PNLIP: variants seen among roughly 807,000 people sequenced by gnomAD.
PNLIP encodes the protein pancreatic lipase, also known as pancreatic triacylglycerol lipase.
PNLIP carries 49 observed loss-of-function variants against 57.1 expected under a neutral mutation model. The ratio of observed to expected loss-of-function variants is 0.86; its 90% CI spans 0.68 to 1.09. The LOEUF (loss-of-function observed/expected upper bound fraction) is 1.09, where lower values mean the gene tolerates loss of function less well. PNLIP is among the 50% of genes least tolerant of loss of function. The probability of loss-of-function intolerance (pLI) is 0.00; values close to 1 mark genes in which losing one functional copy is unlikely to be tolerated. For synonymous variants in PNLIP, 209 were observed against 200.4 expected, an observed-to-expected ratio of 1.04 and a Z score of -0.36; for missense variants, 503 against 570.2, an observed-to-expected ratio of 0.88 and a Z score of 1.20.
intron 9 of PNLIP, 69 bp from the exon 10 acceptor site, chr10:116,559,085 C>T: frequency 6.4e-7 from 1 of 1,552,178 alleles, no homozygotes; most frequent in Non-Finnish European, 8.7e-7. Flanking sequence ...ATGGCGACAA[C>T]ATGTAGGAAA....
intron 5 of PNLIP, among the ~76,000 whole-genome samples, chr10:116,551,561 A>G (rs1156782283): frequency 6.6e-6 from 1 of 152,190 alleles, no homozygotes; most frequent in Non-Finnish European, 1.5e-5. Context: ...ATTTGATTTT[A>G]GTTTTGCTTT....
intron 4 of PNLIP, among the ~76,000 whole-genome samples, chr10:116,550,519 A>G (rs1304768754): frequency 2.0e-5 from 3 of 152,218 alleles, no homozygotes; most frequent in Non-Finnish European, 4.4e-5. Context: ...TGAAATATTA[A>G]TAACTCTTTA....
rs78912918 is a variant in PNLIP, at chr10:116,555,494, C to T, written c.798C>T (p.Asp266=). Residue 266 remains aspartate (D), a synonymous_variant, in exon 8 of 13, where the codon GAC becomes GAT. Transcript: ENST00000369221. The part of the protein sequence containing the change: ...KNILSQIVDI[D]GIWEGTRDFA... The stretch of plus-strand genomic sequence containing the variant: ...TTCTCTCTCAGATTGTGGACATAGA[C>T]GGAATCTGGGAAGGTAGAACTATTA... 2.4e-3 allele frequency: 3,866 copies of T among 1,613,890 alleles called. 80 individuals carry two copies. In the African/African-American group the frequency reaches 0.041, roughly 17 times the overall value.
intron 6 of PNLIP, among the ~76,000 whole-genome samples, chr10:116,554,361 T>C (rs1847229348): frequency 6.6e-6 from 1 of 152,230 alleles, no homozygotes; most frequent in South Asian, 2.1e-4. Context: ...CAATTGCTAA[T>C]GTGCTTAAGC....
intron 9 of PNLIP, among the ~76,000 whole-genome samples, chr10:116,558,194 T>C (rs1343797542): frequency 7.8e-6 from 1 of 127,920 alleles, no homozygotes; most frequent in Non-Finnish European, 1.6e-5. Context: ...ATGCAATCTT[T>C]CTTTCTTTTT....
intron 6 of PNLIP, 94 bp downstream of exon 6, chr10:116,553,932 C>A: frequency 3.6e-6 from 2 of 563,156 alleles, no homozygotes; most frequent in East Asian, 3.2e-5. Context: ...CATAGCGAGA[C>A]TCCTATCTCC....
intron 12 of PNLIP, among the ~76,000 whole-genome samples, chr10:116,562,620 C>T (rs1001277563): frequency 1.3e-5 from 2 of 152,036 alleles, no homozygotes; most frequent in African/African-American, 4.8e-5. Flanking sequence ...AGGGAGAATC[C>T]CAGAGATTAT....
intron 9 of PNLIP, among the ~76,000 whole-genome samples, chr10:116,558,364 T>G (rs959595618): frequency 2.6e-5 from 4 of 150,980 alleles, no homozygotes; most frequent in Admixed American, 2.6e-4. Flanking sequence ...CCGGCTAATT[T>G]TTTGTATTTT....
intron 7 of PNLIP, 29 bp downstream of exon 7, chr10:116,555,326 G>T (rs1186000716): frequency 6.2e-7 from 1 of 1,614,114 alleles, no homozygotes; most frequent in African/African-American, 1.3e-5. Context: ...CCCCCAAAGG[G>T]TGTTATAGTG....
chr10:116,556,091 C>A lies in PNLIP; in HGVS notation c.903C>A (p.Pro301=), dbSNP rs760058860. The A allele has an allele frequency of 6.2e-7, 1 of 1,612,158 alleles. No homozygotes were observed. Among genetic ancestry groups the A allele is most frequent in the East Asian group, 2.2e-5 (1 of 44,858 alleles). The change falls in exon 9 of 13, where the codon CCC becomes CCA. Residue 301 remains proline (P), a synonymous_variant. Coordinates refer to ENST00000369221, the MANE Select transcript of PNLIP (RefSeq NM_000936.4). ...ACCCTGATGGCTTTGCTGGATTCCC[C>A]TGTGCCTCTTACAACGTCTTCACTG... The part of the protein sequence containing the change: ...IVNPDGFAGF[P]CASYNVFTAN...
chr10:116,554,334 A>G (rs531178989), intron 6 of PNLIP, among the ~76,000 whole-genome samples: 1 of 152,266 alleles, frequency 6.6e-6, no homozygotes, highest in Non-Finnish European at 1.5e-5. Flanking sequence ...ATAACTAATT[A>G]TATTCTGTTT....
chr10:116,553,654 G>T (rs1847218597), intron 5 of PNLIP, 73 bp from the exon 6 acceptor site: 2 of 833,352 alleles, frequency 2.4e-6, no homozygotes, highest in Admixed American at 3.9e-5. Flanking sequence ...TGCATTTCTT[G>T]TAACGTATCC....
chr10:116,563,071 C>T (rs1419766279), intron 12 of PNLIP, among the ~76,000 whole-genome samples: 2 of 152,036 alleles, frequency 1.3e-5, no homozygotes, highest in African/African-American at 4.8e-5. Context: ...GACACCAAAA[C>T]AAAACTGACA....
intron 8 of PNLIP, 152 bp from the exon 9 acceptor site, chr10:116,555,848 A>C: frequency 1.6e-6 from 1 of 632,050 alleles, no homozygotes; most frequent in Non-Finnish European, 2.8e-6. Context: ...TTACATCACA[A>C]ATCATAAATA....
At position 116,567,784 on chromosome 10, in the gene PNLIP, C is replaced by A; in HGVS notation, c.1384C>A (p.Leu462Ile). 1.2e-6 allele frequency: 2 copies of A among 1,613,272 alleles called. No homozygotes were observed. Among genetic ancestry groups the A allele is most frequent in the Non-Finnish European group, 1.7e-6 (2 of 1,179,194 alleles). ...CGTCAGGGAGGAAGTTCTGCTCACCCTCACACCGTGTTAGGAGACTACTGT... is the reference window on the plus strand; with the variant it reads ...CGTCAGGGAGGAAGTTCTGCTCACCATCACACCGTGTTAGGAGACTACTGT... ...ETVREEVLLT[L>I]TPC Residue 462 changes from leucine (L) to isoleucine (I), a missense_variant, in exon 13 of 13, where the codon CTC becomes ATC. Coordinates refer to ENST00000369221, the MANE Select transcript of PNLIP (RefSeq NM_000936.4).
Position 116,547,280 on chromosome 10 carries a change from C to G in PNLIP, c.47-14C>G, listed in dbSNP as rs747329527. On this transcript the variant is annotated splice_polypyrimidine_tract_variant and intron_variant, in intron 2 of 12. Transcript: ENST00000369221. Reference sequence around the variant, plus strand: ...GCATGTTTGTAAAACTAATATCCTTCTGGGGGATTGCAGGAAAAGAAGTTT... The same window carrying G: ...GCATGTTTGTAAAACTAATATCCTTGTGGGGGATTGCAGGAAAAGAAGTTT... 6.2e-7 allele frequency: 1 copy of G among 1,613,004 alleles called. No homozygotes were observed. Among genetic ancestry groups the G allele is most frequent in the African/African-American group, 1.3e-5 (1 of 74,868 alleles).
chr10:116,566,896 A>G lies in PNLIP; in HGVS notation c.1335-839A>G, dbSNP rs530121139. 7.2e-5 allele frequency among the ~76,000 whole-genome samples: 11 copies of G among 152,268 alleles called. No individual in the cohort carries two copies. In the South Asian group the frequency reaches 2.3e-3, roughly 32 times the overall value. On this transcript the variant is annotated intron_variant, in intron 12 of 12. Transcript: ENST00000369221. ...ACTTTTTTTCTGTTCCTGGTAGTTTACATATGGTAAGGTATTTTATTAAAG... is the reference window on the plus strand; with the variant it reads ...ACTTTTTTTCTGTTCCTGGTAGTTTGCATATGGTAAGGTATTTTATTAAAG...
intron 12 of PNLIP, among the ~76,000 whole-genome samples, 199 bp downstream of exon 12, chr10:116,561,835 G>A (rs929214620): frequency 1.3e-5 from 2 of 152,218 alleles, no homozygotes; most frequent in Non-Finnish European, 2.9e-5. Context: ...CATGATAGAT[G>A]TGTGTTAGCT....
chr10:116,565,582 G>C (rs952053214), intron 12 of PNLIP, among the ~76,000 whole-genome samples: 2 of 146,088 alleles, frequency 1.4e-5, no homozygotes, highest in East Asian at 4.3e-4. Context: ...TGCCTCAGCC[G>C]CCTGTGTAGC....
Sources: gnomAD v4.1 joint callset for allele counts (sites outside exome capture counted in the v4.1 genomes callset) on GRCh38, gnomAD v4.1.1 for gene constraint, MANE v1.5 for transcripts, NCBI Gene and HGNC (gene_info 2026-07-23, HGNC 2026-07-21) for gene names.